Variants in PID1 observed in about 807,000 individuals in gnomAD.
PID1 encodes the protein PTB-containing, cubilin and LRP1-interacting protein.
In PID1, 10 loss-of-function variants were observed where a neutral mutation model predicts 19.1. The ratio of observed to expected loss-of-function variants is 0.52; its 90% confidence interval spans 0.32 to 0.89. PID1 has a LOEUF of 0.89. Among genes scored for constraint, PID1 ranks in the 40% least tolerant of loss-of-function variants. The pLI, the probability that PID1 is intolerant of heterozygous loss-of-function variation, is 0.03. For missense variants in PID1, 248 were observed against 285.3 expected (o/e 0.87, Z 0.94); for synonymous variants, 130 against 116.0 (o/e 1.12, Z -0.78).
chr2:229,238,327 C>T (rs1002542727), intron 1 of PID1, among the ~76,000 whole-genome samples: 1 of 152,122 alleles, frequency 6.6e-6, no homozygotes, highest in South Asian at 2.1e-4. Context: ...ATACTATATT[C>T]GCAGTTTAAA....
intron 1 of PID1, among the ~76,000 whole-genome samples, chr2:229,254,079 C>G (rs545053614): frequency 1.3e-5 from 2 of 152,150 alleles, no homozygotes; most frequent in African/African-American, 4.8e-5. Flanking sequence ...TTCCAACTCC[C>G]GGGAGAAAGT....
chr2:229,237,538 T>G (rs1160342987), intron 1 of PID1, among the ~76,000 whole-genome samples: 1 of 152,176 alleles, frequency 6.6e-6, no homozygotes, highest in Non-Finnish European at 1.5e-5. Flanking sequence ...TTTTTTAATC[T>G]CTGCCAAGTG....
intron 2 of PID1, among the ~76,000 whole-genome samples, chr2:229,088,940 C>T (rs1219452646): frequency 6.6e-6 from 1 of 152,034 alleles, no homozygotes; most frequent in Non-Finnish European, 1.5e-5. Flanking sequence ...TTTGTGCTTG[C>T]AAAGTATTGC....
intron 1 of PID1, among the ~76,000 whole-genome samples, chr2:229,185,504 T>C (rs1461069916): frequency 6.6e-6 from 1 of 152,154 alleles, no homozygotes; most frequent in Non-Finnish European, 1.5e-5. Context: ...TAATTGGGCT[T>C]ACAGTTATAC....
intron 2 of PID1, among the ~76,000 whole-genome samples, chr2:229,098,433 G>T (rs1227107866): frequency 1.3e-5 from 2 of 152,136 alleles, no homozygotes; most frequent in Non-Finnish European, 1.5e-5. Context: ...AAATGAAGCT[G>T]CTTTGTCCAA....
intron 2 of PID1, among the ~76,000 whole-genome samples, chr2:229,105,972 G>T (rs1228005507): frequency 6.6e-6 from 1 of 151,652 alleles, no homozygotes; most frequent in African/African-American, 2.4e-5. Context: ...CCAGCTACTT[G>T]GGAGGCTGAG....
At chr2:229,258,016 AG>A (rs1227820395) in intron 1 of PID1, among the ~76,000 whole-genome samples, 2 of 152,218 alleles carry the variant, frequency 1.3e-5, no homozygotes, top group African/African-American at 4.8e-5. Flanking sequence ...AGCCAGTCAT[AG>A]GGGCCACATC....
chr2:229,128,206 G>GA (rs1695663190), intron 2 of PID1, among the ~76,000 whole-genome samples: 1 of 152,148 alleles, frequency 6.6e-6, no homozygotes, highest in African/African-American at 2.4e-5. Context: ...AGGGAGGCAG[G>GA]AAAAAAGATG....
intron 2 of PID1, among the ~76,000 whole-genome samples, chr2:229,098,707 A>T (rs1227364595): frequency 6.6e-6 from 1 of 152,160 alleles, no homozygotes; most frequent in East Asian, 1.9e-4. Flanking sequence ...TTCTGAGACC[A>T]GGTTCAAGCA....
intron 1 of PID1, among the ~76,000 whole-genome samples, chr2:229,180,697 G>A (rs1286453563): frequency 2.0e-5 from 3 of 152,174 alleles, no homozygotes; most frequent in Admixed American, 6.5e-5. Context: ...GAGCCTGCGG[G>A]AACCTTTCCT....
At chr2:229,032,298 T>C (rs1419046453) in intron 2 of PID1, among the ~76,000 whole-genome samples, 1 of 152,244 alleles carries the variant, frequency 6.6e-6, no homozygotes, top group Admixed American at 6.5e-5. Context: ...TATTCTTCTG[T>C]GAGCACATCC....
chr2:229,194,149 C>A (rs1446921393), intron 1 of PID1, among the ~76,000 whole-genome samples: 2 of 152,018 alleles, frequency 1.3e-5, no homozygotes, highest in African/African-American at 4.8e-5. Flanking sequence ...ATATATTGAA[C>A]CTTCTGAGTT....
intron 2 of PID1, among the ~76,000 whole-genome samples, chr2:229,028,090 G>A (rs1362208024): frequency 6.6e-6 from 1 of 152,184 alleles, no homozygotes; most frequent in Non-Finnish European, 1.5e-5. Flanking sequence ...AGGAGGCAGA[G>A]GGAATAATAT....
intron 2 of PID1, among the ~76,000 whole-genome samples, chr2:229,095,116 T>C (rs1050530549): frequency 6.6e-6 from 1 of 152,146 alleles, no homozygotes; most frequent in Non-Finnish European, 1.5e-5. Flanking sequence ...ACACTTCCCA[T>C]ACCCTTCCCT....
intron 1 of PID1, among the ~76,000 whole-genome samples, chr2:229,217,185 G>A (rs899321080): frequency 1.3e-5 from 2 of 152,174 alleles, no homozygotes; most frequent in African/African-American, 4.8e-5. Context: ...CTGAGCTTTG[G>A]ATGACTTCAG....
intron 2 of PID1, among the ~76,000 whole-genome samples, chr2:229,031,987 G>A (rs756708158): frequency 6.6e-6 from 1 of 152,032 alleles, no homozygotes; most frequent in Non-Finnish European, 1.5e-5. Flanking sequence ...TTTGTATACG[G>A]TTTAATAGAA....
intron 2 of PID1, among the ~76,000 whole-genome samples, chr2:229,064,204 C>T (rs539134559): frequency 3.9e-5 from 6 of 152,016 alleles, no homozygotes; most frequent in South Asian, 2.1e-4. Flanking sequence ...TTGGAGGCAG[C>T]GAAGCAAGGT....
chr2:229,208,330 C>T (rs1691653707), intron 1 of PID1, among the ~76,000 whole-genome samples: 1 of 152,196 alleles, frequency 6.6e-6, no homozygotes, highest in African/African-American at 2.4e-5. Flanking sequence ...CTTAGATCAC[C>T]ACTTTATCTT....
intron 1 of PID1, among the ~76,000 whole-genome samples, chr2:229,261,186 C>T (rs1382481385): frequency 6.6e-6 from 1 of 152,086 alleles, no homozygotes; most frequent in Non-Finnish European, 1.5e-5. Context: ...CCCTCACAGC[C>T]CTCAGGACAA....
Sources: gnomAD v4.1 joint callset for allele counts (sites outside exome capture counted in the v4.1 genomes callset) on GRCh38, gnomAD v4.1.1 for gene constraint, MANE v1.5 for transcripts, NCBI Gene and HGNC (gene_info 2026-07-23, HGNC 2026-07-21) for gene names.